The following JMJD1C variants were observed in gnomAD, a reference collection of about 807,000 sequenced individuals.
JMJD1C encodes jumonji domain-containing protein 1C.
A neutral mutation model predicts 245.3 loss-of-function variants in JMJD1C; 31 were observed. That is an observed-to-expected ratio of 0.13 (90% CI 0.09 to 0.17). The LOEUF (loss-of-function observed/expected upper bound fraction) is 0.17, where lower values mean the gene tolerates loss of function less well. Ranked by LOEUF, JMJD1C falls within the 10% of genes least tolerant of loss-of-function variation. The probability of loss-of-function intolerance (pLI) is 1.00; values close to 1 mark genes in which losing one functional copy is unlikely to be tolerated. For synonymous variants in JMJD1C, 1,057 were observed against 1,017.4 expected (o/e 1.04, Z -0.74); for missense variants, 2,691 against 3,000.2 (o/e 0.90, Z 2.41).
At chr10:63,367,946 C>T (rs543971378) in intron 2 of JMJD1C, among the ~76,000 whole-genome samples, 2 of 152,128 alleles carry the variant, frequency 1.3e-5, no homozygotes, top group Non-Finnish European at 1.5e-5. Context: ...GTCTGACTGG[C>T]GAATGTTTCC....
intron 3 of JMJD1C, among the ~76,000 whole-genome samples, chr10:63,262,125 C>T (rs1854844226): frequency 6.6e-6 from 1 of 152,176 alleles, no homozygotes; most frequent in Non-Finnish European, 1.5e-5. Context: ...CCTTGACTTA[C>T]AGAGGGTTAC....
intron 2 of JMJD1C, among the ~76,000 whole-genome samples, chr10:63,279,050 G>A (rs1458043022): frequency 1.3e-5 from 2 of 152,028 alleles, no homozygotes; most frequent in African/African-American, 4.8e-5. Context: ...AAGAGTTTTA[G>A]ACTAGCCTGG....
intron 2 of JMJD1C, among the ~76,000 whole-genome samples, chr10:63,367,532 T>A (rs147072791): frequency 1.3e-5 from 2 of 152,148 alleles, no homozygotes; most frequent in East Asian, 3.9e-4. Context: ...AGGAGTGAGC[T>A]ACTGTACCCG....
At chr10:63,375,485 A>T (rs181724649) in intron 2 of JMJD1C, among the ~76,000 whole-genome samples, 1 of 152,136 alleles carries the variant, frequency 6.6e-6, no homozygotes, top group Non-Finnish European at 1.5e-5. Context: ...TAAAGAAAAC[A>T]TAAGTAAAAA....
At chr10:63,473,678 T>G (rs1405810186) in intron 1 of JMJD1C, among the ~76,000 whole-genome samples, 1 of 152,238 alleles carries the variant, frequency 6.6e-6, no homozygotes, top group Non-Finnish European at 1.5e-5. Flanking sequence ...TTTCTTTCGC[T>G]ACTTAAATCA....
chr10:63,222,672 T>C (rs982860412), intron 3 of JMJD1C: 15 of 1,537,486 alleles, frequency 9.8e-6, no homozygotes, highest in Non-Finnish European at 1.3e-5. Flanking sequence ...GAGGGAGTGG[T>C]GCATTCATTT....
intron 1 of JMJD1C, among the ~76,000 whole-genome samples, chr10:63,460,748 G>C (rs878871171): frequency 6.6e-6 from 1 of 151,966 alleles, no homozygotes; most frequent in Non-Finnish European, 1.5e-5. Flanking sequence ...TATAAATACA[G>C]GAAAATAGCC....
chr10:63,441,708 C>A (rs1009107518), intron 1 of JMJD1C, among the ~76,000 whole-genome samples: 1 of 152,088 alleles, frequency 6.6e-6, no homozygotes, highest in African/African-American at 2.4e-5. Flanking sequence ...GGGTTAACTC[C>A]AACATATGGT....
At chr10:63,304,133 T>C (rs901901647) in intron 2 of JMJD1C, among the ~76,000 whole-genome samples, 2 of 152,230 alleles carry the variant, frequency 1.3e-5, no homozygotes, top group Non-Finnish European at 2.9e-5. Flanking sequence ...AGTATTCTTA[T>C]AGTTAGTACT....
At chr10:63,361,719 T>TAAAAAAAAAAAAAAAAA (rs55879769) in intron 2 of JMJD1C, among the ~76,000 whole-genome samples, 1 of 95,548 alleles carries the variant, frequency 1.0e-5, no homozygotes, top group African/African-American at 4.4e-5. Flanking sequence ...CTGTCTCAAC[T>TAAAAAAAAAAAAAAAAA]AAAAAAAAAA....
In JMJD1C at chr10:63,364,932, A is replaced by G. The variant is rs182954262; in HGVS notation, c.333+15386T>C. On this transcript the variant is annotated intron_variant, in intron 2 of 25. Transcript: ENST00000399262. ...AAATACAAAATTGATGATTTAATCCAGATAATTTTGGTTCCATGGCTTTCC... is the reference window on the plus strand; with the variant it reads ...AAATACAAAATTGATGATTTAATCCGGATAATTTTGGTTCCATGGCTTTCC... Among the ~76,000 whole-genome samples, 28 of 152,364 alleles carry G rather than the reference A, an allele frequency of 1.8e-4. 1 individual carries two copies. In the East Asian group the frequency reaches 5.2e-3, roughly 28 times the overall value.
chr10:63,183,438 T>C lies in JMJD1C; in HGVS notation c.7084+9A>G. Reference sequence around the variant, plus strand: ...TTATTTCAAAGACTACTTATTCTTTTAAGTTTACCTGCTTTTGAGAGAATG... The same window carrying C: ...TTATTTCAAAGACTACTTATTCTTTCAAGTTTACCTGCTTTTGAGAGAATG... On this transcript the variant is annotated intron_variant, in intron 22 of 25. Transcript: ENST00000399262. The C allele has an allele frequency of 6.2e-7, 1 of 1,604,216 alleles. No individual in the cohort carries two copies.
intron 1 of JMJD1C, among the ~76,000 whole-genome samples, chr10:63,440,353 A>AAAAAT (rs1554937972): frequency 3.2e-4 from 38 of 120,242 alleles, no homozygotes; most frequent in Non-Finnish European, 3.6e-4. Flanking sequence ...AAAAAAAAAA[A>AAAAAT]ATATATATAT....
intron 7 of JMJD1C, 28 bp downstream of exon 7, chr10:63,215,235 T>C (rs1046529551): frequency 1.3e-6 from 2 of 1,571,996 alleles, no homozygotes; most frequent in South Asian, 1.2e-5. Context: ...TTTGTTTTCA[T>C]TCCCTTAAAA....
chr10:63,224,992 G>A (rs1195094590), intron 3 of JMJD1C, among the ~76,000 whole-genome samples: 1 of 151,746 alleles, frequency 6.6e-6, no homozygotes, highest in African/African-American at 2.4e-5. Flanking sequence ...AACCCAGGAG[G>A]CAGAGGTTGC....
At chr10:63,319,533 T>C (rs1018078029) in intron 2 of JMJD1C, among the ~76,000 whole-genome samples, 1 of 152,114 alleles carries the variant, frequency 6.6e-6, no homozygotes, top group African/African-American at 2.4e-5. Context: ...TCTAGAAAAC[T>C]ATCCCTTTTA....
Position 63,292,144 on chromosome 10 carries a change from A to ATTTTTTTTTTTTTTTTTTTTTTT in JMJD1C, c.334-27381_334-27380insAAAAAAAAAAAAAAAAAAAAAAA. Reference sequence around the variant, plus strand: ...TTTTTTTTAGTTTCTGTAGAGACAGATTTTTTTTTTTTTTTTTTTGCCTAG... The same window carrying ATTTTTTTTTTTTTTTTTTTTTTT: ...TTTTTTTTAGTTTCTGTAGAGACAGATTTTTTTTTTTTTTTTTTTTTTTTTTTTTTTTTTTTTTTTTTGCCTAG... On this transcript the variant is annotated intron_variant, in intron 2 of 25. Transcript: ENST00000399262. Among the ~76,000 whole-genome samples, 235 of 56,336 alleles carry ATTTTTTTTTTTTTTTTTTTTTTT rather than the reference A, an allele frequency of 4.2e-3. 79 individuals carry two copies. Among genetic ancestry groups the ATTTTTTTTTTTTTTTTTTTTTTT allele is most frequent in the East Asian group, 6.3e-3 (11 of 1,746 alleles). The allele number at this position is 56,336 out of a possible 152,430, so 37.0% of individuals were successfully genotyped here.
In JMJD1C at chr10:63,207,204, A is replaced by G. The variant is rs1259148907; in HGVS notation, c.4465T>C (p.Leu1489=). The change falls in exon 10 of 26, where the codon TTG becomes CTG. Residue 1489 remains leucine, a synonymous_variant. Coordinates refer to ENST00000399262, the MANE Select transcript of JMJD1C (RefSeq NM_032776.3). Reference sequence around the variant, plus strand: ...CTACTTTTATACTGAGCTGCAGCCAATGCTGCCTTGTGCTTTTTTAAATGG... The same window carrying G: ...CTACTTTTATACTGAGCTGCAGCCAGTGCTGCCTTGTGCTTTTTTAAATGG... The part of the protein sequence containing the change: ...FIHLKKHKAA[L]AAAQYKSSNA... 3.1e-6 allele frequency: 5 copies of G among 1,614,072 alleles called. No homozygotes were observed. Among genetic ancestry groups the G allele is most frequent in the African/African-American group, 1.3e-5 (1 of 74,940 alleles).
chr10:63,185,650 C>T lies in JMJD1C; in HGVS notation c.6743G>A (p.Arg2248Gln). Residue 2248 changes from arginine (R) to glutamine (Q), a missense_variant, in exon 20 of 26, where the codon CGG becomes CAG. By Grantham distance (43) the Arg-to-Gln change is conservative (BLOSUM62 1). Coordinates refer to ENST00000399262, the MANE Select transcript of JMJD1C (RefSeq NM_032776.3). ...FWDGFEEVSK[R>Q]QKNKSGETVV... ...TGTTTCTCCACTCTTGTTTTTCTGC[C>T]GTTCTATAAGGAATGCAGTTAATTA... The T allele has an allele frequency of 6.3e-7, 1 of 1,576,134 alleles. No homozygotes were observed. The highest frequency in any genetic ancestry group is 8.7e-7 in the Non-Finnish European group (1 of 1,145,388).
Sources: gnomAD v4.1 joint callset for allele counts (sites outside exome capture counted in the v4.1 genomes callset) on GRCh38, gnomAD v4.1.1 for gene constraint, MANE v1.5 for transcripts, NCBI Gene and HGNC (gene_info 2026-07-23, HGNC 2026-07-21) for gene names.